Variants in MDGA2 observed in about 807,000 individuals in gnomAD.
The protein encoded by MDGA2 is MAM domain containing glycosylphosphatidylinositol anchor 2, also known as MAM domain-containing glycosylphosphatidylinositol anchor protein 2.
A neutral mutation model predicts 117.8 loss-of-function variants in MDGA2; 40 were observed. The ratio of observed to expected loss-of-function variants is 0.34; its 90% CI spans 0.26 to 0.44. The LOEUF is 0.44. Ranked by LOEUF, MDGA2 falls within the 20% of genes least tolerant of loss-of-function variation. The probability of loss-of-function intolerance (pLI) is 1.00; values close to 1 mark genes in which losing one functional copy is unlikely to be tolerated. For missense variants in MDGA2, 1,123 were observed against 1,250.6 expected, an observed-to-expected ratio of 0.90 and a Z score of 1.54; for synonymous variants, 452 against 439.0, an observed-to-expected ratio of 1.03 and a Z score of -0.37.
intron 1 of MDGA2, among the ~76,000 whole-genome samples, chr14:47,303,084 C>A (rs1889334793): frequency 6.6e-6 from 1 of 152,074 alleles, no homozygotes; most frequent in South Asian, 2.1e-4. Context: ...ATAATAAACA[C>A]CCCTCAAGAA....
chr14:47,532,730 G>T (rs2138735937), intron 1 of MDGA2, among the ~76,000 whole-genome samples: 1 of 152,098 alleles, frequency 6.6e-6, no homozygotes, highest in Non-Finnish European at 1.5e-5. Context: ...ACTTTTTATT[G>T]CTGCCAGTAA....
At chr14:46,839,724 A>T (rs1412597134), downstream of MDGA2, among the ~76,000 whole-genome samples, 1 of 151,942 alleles carries the variant, frequency 6.6e-6, no homozygotes, top group Non-Finnish European at 1.5e-5. Flanking sequence ...AAATTTTAAG[A>T]TGTCTAATTC....
intron 10 of MDGA2, among the ~76,000 whole-genome samples, chr14:46,883,634 C>T (rs376220539): frequency 6.6e-6 from 1 of 152,152 alleles, no homozygotes; most frequent in African/African-American, 2.4e-5. Context: ...AGGAATCTCT[C>T]TCTTTCCTTT....
At chr14:46,975,920 A>G (rs1175202127) in intron 8 of MDGA2, among the ~76,000 whole-genome samples, 1 of 152,110 alleles carries the variant, frequency 6.6e-6, no homozygotes, top group Non-Finnish European at 1.5e-5. Flanking sequence ...TACAGGCACT[A>G]ATCCGATTCT....
intron 1 of MDGA2, among the ~76,000 whole-genome samples, chr14:47,478,245 G>A (rs536675449): frequency 6.6e-6 from 1 of 152,134 alleles, no homozygotes; most frequent in Non-Finnish European, 1.5e-5. Context: ...GTTACTTGAA[G>A]GAGACATATT....
chr14:46,886,853 A>G (rs750259296), intron 10 of MDGA2, among the ~76,000 whole-genome samples: 1 of 152,018 alleles, frequency 6.6e-6, no homozygotes, highest in Non-Finnish European at 1.5e-5. Flanking sequence ...GATGTTCTCC[A>G]GAATTTTGTA....
At chr14:46,873,078 T>C (rs1882078833) in intron 14 of MDGA2, among the ~76,000 whole-genome samples, 1 of 151,974 alleles carries the variant, frequency 6.6e-6, no homozygotes, top group Non-Finnish European at 1.5e-5. Context: ...TTACTTTTCA[T>C]CATGATTAAT....
chr14:46,886,097 G>GA (rs1275170962), intron 10 of MDGA2, among the ~76,000 whole-genome samples: 1 of 152,056 alleles, frequency 6.6e-6, no homozygotes, highest in Non-Finnish European at 1.5e-5. Flanking sequence ...AGCAATCCAT[G>GA]AAAAATTGTC....
intron 15 of MDGA2, among the ~76,000 whole-genome samples, chr14:46,854,010 C>T (rs1881165205): frequency 6.6e-6 from 1 of 151,656 alleles, no homozygotes; most frequent in African/African-American, 2.4e-5. Flanking sequence ...ATTAGCCAGT[C>T]TTACTCTCTG....
intron 5 of MDGA2, among the ~76,000 whole-genome samples, chr14:47,102,162 G>T (rs1290890205): frequency 2.0e-5 from 3 of 151,960 alleles, no homozygotes; most frequent in Admixed American, 1.3e-4. Context: ...TACATCTGGA[G>T]CATTTAATTA....
intron 14 of MDGA2, among the ~76,000 whole-genome samples, chr14:46,863,339 C>T (rs181987522): frequency 6.6e-6 from 1 of 152,050 alleles, no homozygotes; most frequent in Non-Finnish European, 1.5e-5. Context: ...AAATTTATTA[C>T]CTCAAAAAGA....
chr14:47,044,612 T>A (rs1889191608), intron 7 of MDGA2, among the ~76,000 whole-genome samples: 1 of 152,170 alleles, frequency 6.6e-6, no homozygotes. Flanking sequence ...ACATCTCTTA[T>A]CACACTCTGT....
At chr14:47,173,363 T>G (rs1418696998) in intron 3 of MDGA2, among the ~76,000 whole-genome samples, 1 of 151,972 alleles carries the variant, frequency 6.6e-6, no homozygotes. Context: ...TCACCAAAGT[T>G]GAAATGAAGG....
chr14:47,027,171 A>G (rs988368098), intron 8 of MDGA2, among the ~76,000 whole-genome samples: 2 of 144,280 alleles, frequency 1.4e-5, no homozygotes, highest in South Asian at 2.1e-4. Context: ...CAAAAAATGG[A>G]AAAAAAAAAC....
chr14:46,876,929 T>C (rs891151938), intron 12 of MDGA2, among the ~76,000 whole-genome samples: 1 of 151,596 alleles, frequency 6.6e-6, no homozygotes, highest in East Asian at 1.9e-4. Context: ...TAGATACATA[T>C]CATCTTATAA....
At chr14:47,205,885 C>G (rs1239939745) in intron 3 of MDGA2, among the ~76,000 whole-genome samples, 1 of 151,986 alleles carries the variant, frequency 6.6e-6, no homozygotes, top group Non-Finnish European at 1.5e-5. Flanking sequence ...GTTCCCAGCA[C>G]TGAGTCACAC....
intron 1 of MDGA2, among the ~76,000 whole-genome samples, chr14:47,316,464 G>A (rs1889813575): frequency 6.6e-6 from 1 of 151,942 alleles, no homozygotes; most frequent in African/African-American, 2.4e-5. Context: ...ATAAATGAAG[G>A]AAAATTATTG....
At chr14:47,389,195 A>G (rs1185636534) in intron 1 of MDGA2, among the ~76,000 whole-genome samples, 1 of 152,204 alleles carries the variant, frequency 6.6e-6, no homozygotes, top group Non-Finnish European at 1.5e-5. Flanking sequence ...CTGGTGCTTC[A>G]TAATAGCTTT....
At chr14:47,552,139 C>T (rs1052016685) in intron 1 of MDGA2, among the ~76,000 whole-genome samples, 20 of 152,120 alleles carry the variant, frequency 1.3e-4, no homozygotes, top group African/African-American at 4.8e-4. Flanking sequence ...AATTCAGTGA[C>T]CCTATATATT....
Sources: gnomAD v4.1 joint callset for allele counts (sites outside exome capture counted in the v4.1 genomes callset) on GRCh38, gnomAD v4.1.1 for gene constraint, MANE v1.5 for transcripts, NCBI Gene and HGNC (gene_info 2026-07-23, HGNC 2026-07-21) for gene names.